PBX4: variants seen among roughly 807,000 people sequenced by gnomAD.
The protein encoded by PBX4 is pre-B-cell leukemia transcription factor 4.
Under a neutral mutation model 35.1 loss-of-function variants are expected in PBX4, and 26 were observed. That is an observed-to-expected ratio of 0.74 (90% confidence interval 0.54 to 1.03). The LOEUF (loss-of-function observed/expected upper bound fraction) is 1.03. Among genes scored for constraint, PBX4 ranks in the 50% least tolerant of loss-of-function variants. The probability of loss-of-function intolerance (pLI) is 0.00; values close to 1 mark genes in which losing one functional copy is unlikely to be tolerated. For synonymous variants in PBX4, 199 were observed against 204.2 expected (o/e 0.97, Z 0.22); for missense variants, 448 against 504.3 (o/e 0.89, Z 1.07).
chr19:19,572,616 G>A (rs1266600348), intron 2 of PBX4, among the ~76,000 whole-genome samples: 1 of 151,656 alleles, frequency 6.6e-6, no homozygotes, highest in Non-Finnish European at 1.5e-5. Flanking sequence ...TGTAATCCCA[G>A]CACTTTGGGA....
chr19:19,582,823 G>C (rs370110648), intron 2 of PBX4, among the ~76,000 whole-genome samples: 1 of 152,146 alleles, frequency 6.6e-6, no homozygotes, highest in East Asian at 1.9e-4. Flanking sequence ...AAGACGCTGC[G>C]CTGCTGCTGT....
chr19:19,587,946 G>T, intron 2 of PBX4: 4 of 402,042 alleles, frequency 9.9e-6, no homozygotes, highest in Non-Finnish European at 1.8e-5. Context: ...GAGAGGAGGG[G>T]GTGGCAAGCT....
chr19:19,584,668 T>C (rs2061477499), intron 2 of PBX4, among the ~76,000 whole-genome samples: 1 of 144,196 alleles, frequency 6.9e-6, no homozygotes, highest in South Asian at 2.3e-4. Context: ...CTCTGTTGCC[T>C]AAACTGGAGT....
At chr19:19,618,118 G>C (rs961730666) in intron 1 of PBX4, among the ~76,000 whole-genome samples, 1 of 151,948 alleles carries the variant, frequency 6.6e-6, no homozygotes, top group Admixed American at 6.6e-5. Context: ...CCATGATCAC[G>C]CCACTGCACT....
intron 2 of PBX4, among the ~76,000 whole-genome samples, chr19:19,589,050 C>T (rs924640093): frequency 2.6e-5 from 4 of 152,014 alleles, no homozygotes; most frequent in African/African-American, 9.7e-5. Flanking sequence ...ATCACTTGAG[C>T]CCGGGAATTC....
intron 2 of PBX4, among the ~76,000 whole-genome samples, chr19:19,584,979 C>T (rs1478092816): frequency 6.6e-6 from 1 of 152,094 alleles, no homozygotes; most frequent in African/African-American, 2.4e-5. Flanking sequence ...TACTCCTTAA[C>T]TCTAAACAAG....
intron 1 of PBX4, among the ~76,000 whole-genome samples, chr19:19,613,093 G>A (rs1257282168): frequency 2.0e-5 from 3 of 151,864 alleles, no homozygotes; most frequent in African/African-American, 7.2e-5. Flanking sequence ...AAAGTGCTGG[G>A]ATTACAGGCG....
intron 2 of PBX4, chr19:19,579,800 C>A (rs973731268): frequency 1.8e-4 from 28 of 152,372 alleles, no homozygotes; most frequent in African/African-American, 6.8e-4. Context: ...GCCCAGAGCC[C>A]ATCAGGGTAT....
chr19:19,573,208 G>C (rs1183840756), intron 2 of PBX4, among the ~76,000 whole-genome samples: 3 of 151,842 alleles, frequency 2.0e-5, no homozygotes, highest in Non-Finnish European at 4.4e-5. Flanking sequence ...GGGAGGCTGA[G>C]GCAGGAGAAT....
chr19:19,591,712 A>T (rs969914017), intron 2 of PBX4, among the ~76,000 whole-genome samples: 1 of 152,200 alleles, frequency 6.6e-6, no homozygotes, highest in South Asian at 2.1e-4. Context: ...AGCTTTTCAC[A>T]CAAGCTGTCA....
chr19:19,563,697 G>C lies in PBX4; in HGVS notation c.926-82C>G, dbSNP rs1271111781. On this transcript the variant is annotated intron_variant, in intron 6 of 7. Transcript: ENST00000251203. This position sits in a 1 kb window ranked among gnomAD's most constrained non-coding sequence, Gnocchi z 5.1. ...CACCCAGCCCCTCAGCCGGCAGGAG[G>C]CCTCGAATGTGGCTCCTGCCCCTCC... 1.7e-6 allele frequency: 2 copies of C among 1,209,072 alleles called. No individual in the cohort carries two copies. The highest frequency in any genetic ancestry group is 4.0e-5 in the Admixed American group (2 of 50,402). 74.9% of individuals were successfully genotyped at this position (1,209,072 alleles called of 1,614,324 possible).
chr19:19,615,847 G>A (rs1468451915), intron 1 of PBX4, among the ~76,000 whole-genome samples: 3 of 151,938 alleles, frequency 2.0e-5, no homozygotes, highest in African/African-American at 2.4e-5. Context: ...CCGAGATAGC[G>A]CCACTGCACT....
chr19:19,569,393 G>A (rs2061365587), intron 5 of PBX4, 56 bp downstream of exon 5: 1 of 1,565,344 alleles, frequency 6.4e-7, no homozygotes, highest in South Asian at 1.2e-5. Flanking sequence ...GTCCTCATGG[G>A]ACCTAGTCAT....
intron 2 of PBX4, among the ~76,000 whole-genome samples, chr19:19,584,901 C>T (rs534539156): frequency 2.6e-5 from 4 of 151,928 alleles, no homozygotes; most frequent in African/African-American, 7.3e-5. Flanking sequence ...GGATTACAGG[C>T]GCGAGCCACC....
intron 2 of PBX4, among the ~76,000 whole-genome samples, chr19:19,583,793 A>G (rs548942121): frequency 1.2e-4 from 18 of 151,996 alleles, no homozygotes; most frequent in African/African-American, 3.9e-4. Context: ...TCTACTAAAA[A>G]TAGAAAAAGC....
chr19:19,561,770 T>C lies in PBX4; in HGVS notation c.*255A>G, dbSNP rs1470140786. 1 of 415,964 alleles carries C rather than the reference T, an allele frequency of 2.4e-6. No individual in the cohort carries two copies. The highest frequency in any genetic ancestry group is 4.3e-6 in the Non-Finnish European group (1 of 232,152). 25.8% of individuals were successfully genotyped at this position (415,964 alleles called of 1,614,324 possible). Reference sequence around the variant, plus strand: ...CTGTGCCCAGTCCTAGAACAGACAATTCAATTCATAGCGTTACCATAAAAT... The same window carrying C: ...CTGTGCCCAGTCCTAGAACAGACAACTCAATTCATAGCGTTACCATAAAAT... On this transcript the variant is annotated 3_prime_UTR_variant, in exon 8 of 8. Transcript: ENST00000251203.
At chr19:19,571,310 GGTGTGT>G (rs1568380454) in intron 2 of PBX4, among the ~76,000 whole-genome samples, 2 of 152,234 alleles carry the variant, frequency 1.3e-5, no homozygotes, top group South Asian at 2.1e-4. Flanking sequence ...TGGTGGGTGG[GGTGTGT>G]GTGTGTTGGG....
At chr19:19,607,364 G>GT (rs974359484) in intron 1 of PBX4, among the ~76,000 whole-genome samples, 2 of 151,990 alleles carry the variant, frequency 1.3e-5, no homozygotes, top group African/African-American at 4.8e-5. Context: ...ACATATCTGA[G>GT]TTTTTTAAAA....
Position 19,563,464 on chromosome 19 carries a change from A to C in PBX4, c.1032+45T>G, listed in dbSNP as rs1297310054. The C allele has an allele frequency of 2.7e-5, 39 of 1,438,290 alleles. No homozygotes were observed. The highest frequency in any genetic ancestry group is 3.4e-5 in the Non-Finnish European group (36 of 1,063,572). The allele number at this position is 1,438,290 out of a possible 1,614,324, so 89.1% of individuals were successfully genotyped here. A position where few individuals can be genotyped will look rare whatever the true frequency, so the allele number is the denominator to read the frequency against. ...GCTGACAAGACGACCCTTTCTGAGA[A>C]CCTACCACCCACCTGGGCGCTGTGG... On this transcript the variant is annotated intron_variant, in intron 7 of 7. Transcript: ENST00000251203. The surrounding 1 kb of genome is among the most constrained non-coding windows in gnomAD (Gnocchi z 5.1).
Sources: allele counts gnomAD v4.1 joint callset (sites outside exome capture counted in the v4.1 genomes callset), GRCh38; gene constraint gnomAD v4.1.1; non-coding constraint Gnocchi (gnomAD v3.1); transcripts MANE v1.5; gene names NCBI Gene and HGNC (gene_info 2026-07-23, HGNC 2026-07-21).